TMEM87A: variants seen among roughly 807,000 people sequenced by gnomAD.
TMEM87A encodes transmembrane protein 87A, also known as Golgi-pH regulating cation channel.
A neutral mutation model predicts 90.0 loss-of-function variants in TMEM87A; 50 were observed. That is an observed-to-expected ratio of 0.56 (90% confidence interval 0.44 to 0.70). The LOEUF (loss-of-function observed/expected upper bound fraction) is 0.70. TMEM87A is among the 30% of genes least tolerant of loss of function. The pLI is 0.00. For synonymous variants in TMEM87A, 226 were observed against 226.7 expected (o/e 1.00, Z 0.03); for missense variants, 577 against 660.5 (o/e 0.87, Z 1.39).
At chr15:42,219,937 T>C in intron 16 of TMEM87A, 125 bp downstream of exon 16, 2 of 886,628 alleles carry the variant, frequency 2.3e-6, no homozygotes, top group Non-Finnish European at 3.4e-6. Flanking sequence ...TTCACACCCT[T>C]ATTTTCTTAA....
intron 2 of TMEM87A, 33 bp downstream of exon 2, chr15:42,272,030 C>A: frequency 6.5e-7 from 1 of 1,540,528 alleles, no homozygotes; most frequent in Non-Finnish European, 8.8e-7. Context: ...TTTTAAAATT[C>A]AAATTAAAAC....
In TMEM87A at chr15:42,231,133, G is replaced by A. The variant is rs1458329626; in HGVS notation, c.1131+59C>T. The A allele has an allele frequency of 3.7e-6, 5 of 1,349,948 alleles. No homozygotes were observed. In the Admixed American group the frequency reaches 1.1e-4, roughly 30 times the overall value. The allele number at this position is 1,349,948 out of a possible 1,614,324, so 83.6% of individuals were successfully genotyped here. A position where few individuals can be genotyped will look rare whatever the true frequency, so the allele number is the denominator to read the frequency against. On this transcript the variant is annotated intron_variant, in intron 12 of 19. Coordinates refer to ENST00000389834, the MANE Select transcript of TMEM87A (RefSeq NM_015497.5). Reference sequence around the variant, plus strand: ...AAAACTCTTTGCAGAAAGATCAATGGAAACCCATCTCAAGGGGAGAAAATG... The same window carrying A: ...AAAACTCTTTGCAGAAAGATCAATGAAAACCCATCTCAAGGGGAGAAAATG...
intron 6 of TMEM87A, among the ~76,000 whole-genome samples, chr15:42,247,538 T>C (rs962878888): frequency 6.6e-6 from 1 of 152,248 alleles, no homozygotes; most frequent in African/African-American, 2.4e-5. Flanking sequence ...ATTTATTAAA[T>C]AGGGAATCCT....
In TMEM87A at chr15:42,236,347, A is replaced by C; in HGVS notation, c.941T>G (p.Ile314Arg). 1.9e-6 allele frequency: 3 copies of C among 1,614,138 alleles called. No individual in the cohort carries two copies. Among genetic ancestry groups the C allele is most frequent in the Non-Finnish European group, 2.5e-6 (3 of 1,179,970 alleles). ...KRSLARTLVIIVSLGYGIVKP... is the reference protein window; with the variant it reads ...KRSLARTLVIRVSLGYGIVKP... ...GACGATGCCATATCCCAGACTGACT[A>C]TGATGACCAGGGTTCGAGCCAGTGA... Residue 314 changes from isoleucine to arginine, a missense_variant, in exon 10 of 20, where the codon ATA becomes AGA. Physicochemically the swap from Ile to Arg is moderately conservative, Grantham distance 97 (BLOSUM62 -3). Transcript: ENST00000389834.
At chr15:42,234,417 G>A (rs1198681200) in intron 10 of TMEM87A, among the ~76,000 whole-genome samples, 1 of 152,050 alleles carries the variant, frequency 6.6e-6, no homozygotes, top group Non-Finnish European at 1.5e-5. Flanking sequence ...GTTATACATT[G>A]GGGAAAACTC....
chr15:42,268,968 G>T (rs1470718056), intron 2 of TMEM87A, among the ~76,000 whole-genome samples: 1 of 152,110 alleles, frequency 6.6e-6, no homozygotes, highest in Non-Finnish European at 1.5e-5. Context: ...AGCAAACATG[G>T]CTGTGGAAGG....
Position 42,243,973 on chromosome 15 carries a change from A to G in TMEM87A, c.622+77T>C, listed in dbSNP as rs561501735. 14 of 847,276 alleles carry G rather than the reference A, an allele frequency of 1.7e-5. No homozygotes were observed. The African/African-American group carries it at 2.5e-4, about 15-fold the overall frequency. The allele number at this position is 847,276 out of a possible 1,614,324, so 52.5% of individuals were successfully genotyped here. A position where few individuals can be genotyped will look rare whatever the true frequency, so the allele number is the denominator to read the frequency against. On this transcript the variant is annotated intron_variant, in intron 7 of 19. Coordinates refer to ENST00000389834, the MANE Select transcript of TMEM87A (RefSeq NM_015497.5). Reference sequence around the variant, plus strand: ...AGAAATCTGATACCTGTAATACCTAATAAAAAAGCATATGTAAAGTACATG... The same window carrying G: ...AGAAATCTGATACCTGTAATACCTAGTAAAAAAGCATATGTAAAGTACATG...
At chr15:42,241,770 T>G (rs1207782662) in intron 7 of TMEM87A, among the ~76,000 whole-genome samples, 1 of 152,094 alleles carries the variant, frequency 6.6e-6, no homozygotes, top group Non-Finnish European at 1.5e-5. Flanking sequence ...GGCAGATTAC[T>G]TGAAGTCAGG....
At chr15:42,267,210 A>C (rs1372795318) in intron 3 of TMEM87A, among the ~76,000 whole-genome samples, 1 of 152,248 alleles carries the variant, frequency 6.6e-6, no homozygotes, top group Non-Finnish European at 1.5e-5. Flanking sequence ...TATATAATTC[A>C]GTCAACTGCT....
chr15:42,270,223 T>C (rs538926929), intron 2 of TMEM87A, among the ~76,000 whole-genome samples: 2 of 151,230 alleles, frequency 1.3e-5, no homozygotes, highest in Admixed American at 1.3e-4. Flanking sequence ...ATACAAAAAT[T>C]AGCCGGCGTG....
Position 42,273,236 on chromosome 15 carries a change from T to C in TMEM87A, c.144+19A>G, listed in dbSNP as rs758707562. On this transcript the variant is annotated intron_variant, in intron 1 of 19. Coordinates refer to ENST00000389834, the MANE Select transcript of TMEM87A (RefSeq NM_015497.5). ...CCCTTGCTCCTCTAGGTTCAGACGT[T>C]AGTGAAGTGAATACTCACCGACGGT... is the stretch of plus-strand genomic sequence containing the variant. 6.2e-7 allele frequency: 1 copy of C among 1,613,936 alleles called. No homozygotes were observed.
intron 19 of TMEM87A, among the ~76,000 whole-genome samples, chr15:42,217,200 T>C (rs1013958911): frequency 2.6e-5 from 4 of 152,112 alleles, no homozygotes; most frequent in Non-Finnish European, 5.9e-5. Context: ...CTGATCCTCC[T>C]GCCTAGGCCT....
chr15:42,222,651 C>T (rs2050514202), intron 15 of TMEM87A, among the ~76,000 whole-genome samples: 3 of 152,028 alleles, frequency 2.0e-5, no homozygotes, highest in East Asian at 3.9e-4. Flanking sequence ...CTCCGCCTCC[C>T]GGGTTCAAGC....
intron 6 of TMEM87A, among the ~76,000 whole-genome samples, chr15:42,247,504 T>G (rs1004122141): frequency 6.6e-6 from 1 of 152,242 alleles, no homozygotes; most frequent in South Asian, 2.1e-4. Context: ...TTTCTACATA[T>G]GCCTAGCCAG....
chr15:42,273,176 A>G, intron 1 of TMEM87A, 79 bp downstream of exon 1: 1 of 1,564,864 alleles, frequency 6.4e-7, no homozygotes, highest in Non-Finnish European at 8.7e-7. Context: ...CTTTTGCGGA[A>G]CCTTCATGGA....
intron 1 of TMEM87A, 94 bp downstream of exon 1, chr15:42,273,161 A>G: frequency 2.7e-6 from 4 of 1,506,622 alleles, no homozygotes; most frequent in South Asian, 1.2e-5. Flanking sequence ...CCCCTTTTGA[A>G]GAGACTTTTG....
chr15:42,250,799 G>A (rs1164566570), intron 6 of TMEM87A, among the ~76,000 whole-genome samples: 1 of 152,062 alleles, frequency 6.6e-6, no homozygotes, highest in African/African-American at 2.4e-5. Flanking sequence ...TGCTAGGTGG[G>A]GGAAGTTCTC....
chr15:42,246,302 G>GC (rs1555407561), intron 6 of TMEM87A, among the ~76,000 whole-genome samples: 7 of 150,858 alleles, frequency 4.6e-5, no homozygotes, highest in African/African-American at 1.7e-4. Context: ...AAGTTTTGTT[G>GC]TTTTTTTTTA....
At chr15:42,242,120 C>T (rs2050883283) in intron 7 of TMEM87A, among the ~76,000 whole-genome samples, 1 of 149,638 alleles carries the variant, frequency 6.7e-6, no homozygotes, top group African/African-American at 2.5e-5. Flanking sequence ...AGGATATAAG[C>T]TCAAAAACAA....
Sources: allele counts gnomAD v4.1 joint callset (sites outside exome capture counted in the v4.1 genomes callset), GRCh38; gene constraint gnomAD v4.1.1; transcripts MANE v1.5; gene names NCBI Gene and HGNC (gene_info 2026-07-23, HGNC 2026-07-21).